Variants in ENTPD2 observed in about 807,000 individuals in gnomAD.
ENTPD2 encodes the protein CD39 antigen-like 1.
Under a neutral mutation model 46.8 loss-of-function variants are expected in ENTPD2, and 48 were observed. The ratio of observed to expected loss-of-function variants is 1.03; its 90% CI spans 0.81 to 1.30. The LOEUF (loss-of-function observed/expected upper bound fraction) is 1.30. Ranked by LOEUF, ENTPD2 falls within the 50% of genes most tolerant of loss-of-function variation. The probability of loss-of-function intolerance (pLI) is 0.00; values close to 1 mark genes in which losing one functional copy is unlikely to be tolerated. For synonymous variants in ENTPD2, 316 were observed against 286.1 expected (o/e 1.10, Z -1.06); for missense variants, 707 against 651.1 (o/e 1.09, Z -0.93).
intron 1 of ENTPD2, chr9:137,052,897 C>T (rs1269274413): frequency 6.6e-6 from 1 of 152,424 alleles, no homozygotes; most frequent in Non-Finnish European, 1.5e-5. Flanking sequence ...AGACACTCTC[C>T]CTAGGCCTCC....
chr9:137,052,818 G>A (rs1427905431), intron 1 of ENTPD2: 1 of 153,596 alleles, frequency 6.5e-6, no homozygotes, highest in Non-Finnish European at 1.4e-5. Context: ...GAGGATGCAG[G>A]AGGCAGGGCC....
At position 137,051,618 on chromosome 9, in the gene ENTPD2, C is replaced by T; in HGVS notation, c.278G>A (p.Ser93Asn). Residue 93 changes from serine (S) to asparagine (N), a missense_variant, in exon 3 of 9, where the codon AGC (serine) becomes AAC (asparagine). By Grantham distance (46) the Ser-to-Asn change is conservative. Coordinates refer to ENST00000355097, the MANE Select transcript of ENTPD2 (RefSeq NM_203468.3). ...TTCGAGGCATCCAACAAGACTCTGG[C>T]TGGCCCCAGAAGGGTTGTCTGCATA... ...SSYADNPSGASQSLVGCLEQA... is the reference protein window; with the variant it reads ...SSYADNPSGANQSLVGCLEQA... 1 of 1,612,734 alleles carries T rather than the reference C, an allele frequency of 6.2e-7. No homozygotes were observed.
rs1248108868 is a variant in ENTPD2, at chr9:137,051,599, G to C, written c.297C>G (p.Cys99Trp). ...PSGASQSLVG[C>W]LEQALQDVPK... ...GCACATCCTGAAGCGCCTGTTCGAGGCATCCAACAAGACTCTGGCTGGCCC... is the reference window on the plus strand; with the variant it reads ...GCACATCCTGAAGCGCCTGTTCGAGCCATCCAACAAGACTCTGGCTGGCCC... Residue 99 changes from cysteine to tryptophan, a missense_variant, in exon 3 of 9, where the codon TGC becomes TGG. By Grantham distance (215) the Cys-to-Trp change is radical (BLOSUM62 -2). Coordinates refer to ENST00000355097, the MANE Select transcript of ENTPD2 (RefSeq NM_203468.3). 3.1e-6 allele frequency: 5 copies of C among 1,612,618 alleles called. No homozygotes were observed.
chr9:137,049,319 C>T (rs983082193), intron 7 of ENTPD2: 2 of 715,344 alleles, frequency 2.8e-6, no homozygotes, highest in Non-Finnish European at 5.0e-6. Flanking sequence ...GGAGGGACAG[C>T]AGGCATGGCC....
chr9:137,050,910 C>G lies in ENTPD2; in HGVS notation c.766G>C (p.Ala256Pro). 6.2e-7 allele frequency: 1 copy of G among 1,610,772 alleles called. No individual in the cohort carries two copies. The highest frequency in any genetic ancestry group is 8.5e-7 in the Non-Finnish European group (1 of 1,179,910). ...CCAGGGTGGAGGGGCACCTGGAGGGCGCTGGCCAGCAGCCTCTGGAGGACC... is the reference window on the plus strand; with the variant it reads ...CCAGGGTGGAGGGGCACCTGGAGGGGGCTGGCCAGCAGCCTCTGGAGGACC... ...DQVLQRLLASALQTHGFHPCW... is the reference protein window; with the variant it reads ...DQVLQRLLASPLQTHGFHPCW... The change falls in exon 5 of 9, where the codon GCC becomes CCC. Residue 256 changes from alanine to proline, a missense_variant. Transcript: ENST00000355097.
Position 137,053,820 on chromosome 9 carries a change from T to A in ENTPD2, c.117+61A>T, listed in dbSNP as rs1030959335. 6.3e-6 allele frequency: 7 copies of A among 1,115,410 alleles called. No homozygotes were observed. In the African/African-American group the frequency reaches 1.1e-4, roughly 18 times the overall value. The allele number at this position is 1,115,410 out of a possible 1,614,324, so 69.1% of individuals were successfully genotyped here. ...TGCTCAGGTTCCCAGCCGCACCCCC[T>A]CCCCGGCTCCAAGCCCGGCCCGCTG... On this transcript the variant is annotated intron_variant, in intron 1 of 8. Transcript: ENST00000355097.
At position 137,049,209 on chromosome 9, in the gene ENTPD2, A is replaced by T. The variant is rs540334692; in HGVS notation, c.1150-134T>A. On this transcript the variant is annotated intron_variant, in intron 7 of 8. Coordinates refer to ENST00000355097, the MANE Select transcript of ENTPD2 (RefSeq NM_203468.3). The stretch of plus-strand genomic sequence containing the variant: ...CGTGCGAGGCCAGAGACCACCACAC[A>T]GGCCCGGACACGAATGGCAAGACCG... 201 of 1,409,014 alleles carry T rather than the reference A, an allele frequency of 1.4e-4. No individual in the cohort carries two copies. In the African/African-American group the frequency reaches 2.7e-3, roughly 19 times the overall value. The allele number at this position is 1,409,014 out of a possible 1,614,324, so 87.3% of individuals were successfully genotyped here.
At chr9:137,051,703 C>CGTAGG in intron 2 of ENTPD2, 43 bp from the exon 3 acceptor site, 1 of 1,559,708 alleles carries the variant, frequency 6.4e-7, no homozygotes, top group Non-Finnish European at 8.7e-7. Context: ...CACGGGCAGC[C>CGTAGG]CCTAGGTGGG....
Position 137,049,010 on chromosome 9 carries a change from CACG to C in ENTPD2, c.1212_1214del (p.Phe404_Val405delinsLeu). The C allele has an allele frequency of 2.0e-6, 3 of 1,537,800 alleles. No individual in the cohort carries two copies. The highest frequency in any genetic ancestry group is 2.6e-6 in the Non-Finnish European group (3 of 1,145,612). ...CGTAGCCGCGACTCAGCAGCTGCTG[CACG>C]AACATGGCCCCGGCGCAGTAGTCGG... On this transcript the variant is annotated inframe_deletion, in exon 8 of 9. Coordinates refer to ENST00000355097, the MANE Select transcript of ENTPD2 (RefSeq NM_203468.3).
rs1832192399 is a variant in ENTPD2 at position 137,048,792 on chromosome 9, G to T, written c.1353C>A (p.Asp451Glu). ...CTGTGCCCTTGCGCAGCCCCGGCGG[G>T]TCGGCGGGGATCAGGTTGGTCAGGT... ...MLNLTNLIPA[D>E]PPGLRKGTDF... The change falls in exon 9 of 9, where the codon GAC (aspartate) becomes GAA (glutamate). Residue 451 changes from aspartate to glutamate, a missense_variant. Coordinates refer to ENST00000355097, the MANE Select transcript of ENTPD2 (RefSeq NM_203468.3). 1 of 1,587,200 alleles carries T rather than the reference G, an allele frequency of 6.3e-7. No homozygotes were observed. The highest frequency in any genetic ancestry group is 8.6e-7 in the Non-Finnish European group (1 of 1,166,184).
intron 2 of ENTPD2, 35 bp from the exon 3 acceptor site, chr9:137,051,695 C>A: frequency 6.4e-7 from 1 of 1,571,644 alleles, no homozygotes; most frequent in Non-Finnish European, 8.6e-7. Flanking sequence ...CTATGCCTCA[C>A]GGGCAGCCCC....
chr9:137,050,759 C>A, intron 5 of ENTPD2, 143 bp downstream of exon 5: 1 of 1,275,282 alleles, frequency 7.8e-7, no homozygotes, highest in Non-Finnish European at 1.1e-6. Context: ...GCCACTGGGC[C>A]TTTGCTCATG....
At chr9:137,052,154 G>T (rs1054906057) in intron 2 of ENTPD2, 77 bp downstream of exon 2, 2 of 1,326,332 alleles carry the variant, frequency 1.5e-6, no homozygotes, top group African/African-American at 1.4e-5. Context: ...AGAAGGACCT[G>T]CACTGGCTAA....
In ENTPD2 at chr9:137,048,958, C is replaced by T. The variant is rs1433180586; in HGVS notation, c.1267G>A (p.Val423Met). Residue 423 changes from valine to methionine, a missense_variant, in exon 8 of 9, where the codon GTG (valine) becomes ATG (methionine). Val to Met is a conservative substitution (Grantham distance 21, BLOSUM62 1). Transcript: ENST00000355097. Reference sequence around the variant, plus strand: ...CAGCCCACCTTCTTCTGGAAGATCACGCCGCCGAAGGCGCGCTCGTCGAAG... The same window carrying T: ...CAGCCCACCTTCTTCTGGAAGATCATGCCGCCGAAGGCGCGCTCGTCGAAG... ...YGFDERAFGG[V>M]IFQKKAADTA... 4 of 1,518,006 alleles carry T rather than the reference C, an allele frequency of 2.6e-6. No homozygotes were observed. Among genetic ancestry groups the T allele is most frequent in the Admixed American group, 2.0e-5 (1 of 49,320 alleles). 94.0% of individuals were successfully genotyped at this position (1,518,006 alleles called of 1,614,324 possible).
chr9:137,049,136 G>C (rs2131509925), intron 7 of ENTPD2, 61 bp from the exon 8 acceptor site: 1 of 1,532,838 alleles, frequency 6.5e-7, no homozygotes, highest in Non-Finnish European at 8.7e-7. Flanking sequence ...GCCCCACGGG[G>C]AGAGGGGGCC....
intron 7 of ENTPD2, chr9:137,049,619 T>G: frequency 2.0e-6 from 1 of 499,746 alleles, no homozygotes; most frequent in Non-Finnish European, 3.5e-6. Flanking sequence ...GCCAGAAACC[T>G]GGGCACCGGC....
At position 137,051,503 on chromosome 9, in the gene ENTPD2, C is replaced by T. The variant is rs1418232654; in HGVS notation, c.386+7G>A. 1.9e-6 allele frequency: 3 copies of T among 1,585,446 alleles called. No homozygotes were observed. The highest frequency in any genetic ancestry group is 1.3e-5 in the African/African-American group (1 of 74,268). On this transcript the variant is annotated splice_region_variant and intron_variant, in intron 3 of 8. Transcript: ENST00000355097. ...TGGGGACAGGGCCAGGGCACAGGCA[C>T]ACTCACTTGAGCAGGCGCATACCCG... is the stretch of plus-strand genomic sequence containing the variant.
chr9:137,052,390 G>T (rs756179116), intron 1 of ENTPD2, 42 bp from the exon 2 acceptor site: 1 of 1,397,540 alleles, frequency 7.2e-7, no homozygotes, highest in Admixed American at 1.7e-5. Context: ...GTGTCCGGGG[G>T]CCCTGACACC....
chr9:137,050,688 G>A (rs903899320), intron 5 of ENTPD2, 150 bp from the exon 6 acceptor site: 15 of 1,351,830 alleles, frequency 1.1e-5, no homozygotes, highest in African/African-American at 7.3e-5. Context: ...AGATCCCAAC[G>A]CCCCTGACCA....
Sources: allele counts gnomAD v4.1 joint callset, GRCh38; gene constraint gnomAD v4.1.1; transcripts MANE v1.5; gene names NCBI Gene and HGNC (gene_info 2026-07-23, HGNC 2026-07-21).